The following PTPN23 variants were observed in gnomAD, a reference collection of about 807,000 sequenced individuals.
PTPN23 encodes tyrosine-protein phosphatase non-receptor type 23.
In PTPN23, 72 loss-of-function variants were observed where a neutral mutation model predicts 156.3. The observed-to-expected ratio is 0.46, with a 90% CI of 0.38 to 0.56. The LOEUF (loss-of-function observed/expected upper bound fraction) is 0.56, where lower values mean the gene tolerates loss of function less well. Among genes scored for constraint, PTPN23 ranks in the 20% least tolerant of loss-of-function variants. The pLI is 0.00. For missense variants in PTPN23, 1,974 were observed against 2,171.5 expected, an observed-to-expected ratio of 0.91 and a Z score of 1.81; for synonymous variants, 957 against 899.6, an observed-to-expected ratio of 1.06 and a Z score of -1.14.
intron 1 of PTPN23, among the ~76,000 whole-genome samples, chr3:47,394,897 G>C (rs1271809201): frequency 6.6e-6 from 1 of 152,162 alleles, no homozygotes; most frequent in Non-Finnish European, 1.5e-5. Context: ...ATTTGAAGGG[G>C]TGGGTTGTCC....
rs1291451699 is a variant in PTPN23, at chr3:47,409,296, C to T, written c.1776C>T (p.Thr592=). The stretch of plus-strand genomic sequence containing the variant: ...ATGACATCACTGCCTCGCTGGTCAC[C>T]ACAGACCACTCAGAGATGAAGGTGG... ...QKDDITASLV[T]TDHSEMKKLF... Residue 592 remains threonine (T), a synonymous_variant, in exon 17 of 25, where the codon ACC becomes ACT. Coordinates refer to ENST00000265562, the MANE Select transcript of PTPN23 (RefSeq NM_015466.4). 6.2e-7 allele frequency: 1 copy of T among 1,614,070 alleles called. No individual in the cohort carries two copies. Among genetic ancestry groups the T allele is most frequent in the East Asian group, 2.2e-5 (1 of 44,882 alleles).
At position 47,412,349 on chromosome 3, in the gene PTPN23, G is replaced by A; in HGVS notation, c.4245G>A (p.Gly1415=). ...LYAAVQEVEA[G]NGIPELPQLV... ...CAGCTGTGCAGGAGGTGGAGGCTGG[G>A]AACGGAATCCCTGAGCTGCCTCAGC... The change falls in exon 23 of 25, where the codon GGG becomes GGA. Residue 1415 remains glycine, a synonymous_variant. Coordinates refer to ENST00000265562, the MANE Select transcript of PTPN23 (RefSeq NM_015466.4). 6.2e-7 allele frequency: 1 copy of A among 1,613,316 alleles called. No homozygotes were observed. The highest frequency in any genetic ancestry group is 8.5e-7 in the Non-Finnish European group (1 of 1,180,030).
At position 47,412,988 on chromosome 3, in the gene PTPN23, C is replaced by G. The variant is rs749411789; in HGVS notation, c.4714C>G (p.Pro1572Ala). The G allele has an allele frequency of 6.2e-7, 1 of 1,604,532 alleles. No homozygotes were observed. Among genetic ancestry groups the G allele is most frequent in the Admixed American group, 1.7e-5 (1 of 59,476 alleles). The change falls in exon 25 of 25, where the codon CCC becomes GCC. Residue 1572 changes from proline (P) to alanine (A), a missense_variant. Physicochemically the swap from Pro to Ala is conservative, Grantham distance 27. Coordinates refer to ENST00000265562, the MANE Select transcript of PTPN23 (RefSeq NM_015466.4). Reference sequence around the variant, plus strand: ...AGTGCCTGAAGCCCCCAGCTCGGGGCCCCCCTCCTCCTCCCTGGAATTGCT... The same window carrying G: ...AGTGCCTGAAGCCCCCAGCTCGGGGGCCCCCTCCTCCTCCCTGGAATTGCT... ...PPVPEAPSSG[P>A]PSSSLELLAS... is the part of the protein sequence containing the mutation.
At chr3:47,400,844 G>GATT (rs1370987639) in intron 2 of PTPN23, among the ~76,000 whole-genome samples, 2 of 152,088 alleles carry the variant, frequency 1.3e-5, no homozygotes, top group Admixed American at 6.5e-5. Context: ...AAAGTGCTGG[G>GATT]ATTATAGGTG....
In PTPN23 at chr3:47,412,943, C is replaced by T; in HGVS notation, c.4669C>T (p.Gln1557Ter). The T allele has an allele frequency of 6.2e-7, 1 of 1,605,652 alleles. No homozygotes were observed. The highest frequency in any genetic ancestry group is 8.5e-7 in the Non-Finnish European group (1 of 1,175,722). Residue 1557 changes from glutamine (Q) to a stop codon, truncating the protein, a stop_gained, in exon 25 of 25, where the codon CAG (glutamine) becomes TAG (stop). Transcript: ENST00000265562. LOFTEE classifies it high-confidence loss of function. ...TTCCTCCCCACTACCTGAGGCTCCCCAGCCTAAGGAGGAGCCGCCAGTGCC... is the reference window on the plus strand; with the variant it reads ...TTCCTCCCCACTACCTGAGGCTCCCTAGCCTAAGGAGGAGCCGCCAGTGCC... ...PLSSPLPEAP[Q>*]PKEEPPVPEA...
intron 1 of PTPN23, among the ~76,000 whole-genome samples, chr3:47,391,368 T>C (rs1165120926): frequency 6.6e-6 from 1 of 152,246 alleles, no homozygotes; most frequent in Non-Finnish European, 1.5e-5. Context: ...CCATCAGTTA[T>C]TAGCACCGTG....
At chr3:47,381,469 C>T (rs1278381832) in intron 1 of PTPN23, among the ~76,000 whole-genome samples, 1 of 152,176 alleles carries the variant, frequency 6.6e-6, no homozygotes, top group African/African-American at 2.4e-5. Flanking sequence ...ACACTTCCTC[C>T]TTCTGACGCT....
rs1186144844 is a variant in PTPN23, at chr3:47,381,113, G to T, written c.17G>T (p.Arg6Leu). The change falls in exon 1 of 25, where the codon CGC becomes CTC. Residue 6 changes from arginine (R) to leucine (L), a missense_variant. By Grantham distance (102) the Arg-to-Leu change is moderately radical. Transcript: ENST00000265562. Reference protein sequence around the residue: MEAVPRMPMIWLDLKE... With the variant: MEAVPLMPMIWLDLKE... ...CCAGCCGCCATGGAGGCCGTGCCCCGCATGCCCATGATCTGGCTGGACCTG... is the reference window on the plus strand; with the variant it reads ...CCAGCCGCCATGGAGGCCGTGCCCCTCATGCCCATGATCTGGCTGGACCTG... The T allele has an allele frequency of 1.9e-6, 3 of 1,582,558 alleles. No individual in the cohort carries two copies. The highest frequency in any genetic ancestry group is 2.6e-6 in the Non-Finnish European group (3 of 1,165,376).
Position 47,406,612 on chromosome 3 carries a change from T to C in PTPN23, c.759T>C (p.His253=). 6.2e-7 allele frequency: 1 copy of C among 1,613,766 alleles called. No homozygotes were observed. Residue 253 remains histidine (H), a splice_region_variant and synonymous_variant, in exon 8 of 25, where the codon CAT becomes CAC. Transcript: ENST00000265562. This position sits in a 1 kb window ranked among gnomAD's most constrained non-coding sequence, Gnocchi z 5.8. Reference sequence around the variant, plus strand: ...TCTACTACTTCGCAGCCGTGGCTCATGTGAGGGCCTGGGGCCCCAGGGCGG... The same window carrying C: ...TCTACTACTTCGCAGCCGTGGCTCACGTGAGGGCCTGGGGCCCCAGGGCGG... ...MKIYYFAAVA[H]LHMGKQAEEQ... is the part of the protein sequence containing the mutation.
Position 47,407,636 on chromosome 3 carries a change from C to T in PTPN23, c.1003+52C>T, listed in dbSNP as rs1351936965. ...AGGTGACGGTGGGGTGGGGACAGGA[C>T]ACAGGAGGCTGCCTCAAGGACTCTG... On this transcript the variant is annotated intron_variant, in intron 12 of 24. Transcript: ENST00000265562. The surrounding 1 kb of genome is among the most constrained non-coding windows in gnomAD (Gnocchi z 4.0). 5 of 1,604,742 alleles carry T rather than the reference C, an allele frequency of 3.1e-6. No individual in the cohort carries two copies.
Position 47,409,562 on chromosome 3 carries a change from A to C in PTPN23, c.1943A>C (p.Asp648Ala). Residue 648 changes from aspartate to alanine, a missense_variant, in exon 18 of 25, where the codon GAC becomes GCC. Asp to Ala is a moderately radical substitution (Grantham distance 126). Coordinates refer to ENST00000265562, the MANE Select transcript of PTPN23 (RefSeq NM_015466.4). Reference sequence around the variant, plus strand: ...GTGCGGCGGGTACTCAGCGACTTGGACCAAAAGTCAGTGCCCAGTCCTCTG... The same window carrying C: ...GTGCGGCGGGTACTCAGCGACTTGGCCCAAAAGTCAGTGCCCAGTCCTCTG... ...AAVRRVLSDL[D>A]QKWNSTLQTL... 6.2e-7 allele frequency: 1 copy of C among 1,613,316 alleles called. No individual in the cohort carries two copies. The highest frequency in any genetic ancestry group is 8.5e-7 in the Non-Finnish European group (1 of 1,179,500).
intron 1 of PTPN23, among the ~76,000 whole-genome samples, chr3:47,390,824 C>G (rs1288684609): frequency 6.6e-6 from 1 of 152,138 alleles, no homozygotes; most frequent in Non-Finnish European, 1.5e-5. Flanking sequence ...GCCTGTTTTT[C>G]AGAGTTGTTT....
In PTPN23 at chr3:47,413,208, TTACAC is replaced by T. The variant is rs1261281272; in HGVS notation, c.*28_*32del. On this transcript the variant is annotated 3_prime_UTR_variant, in exon 25 of 25. Transcript: ENST00000265562. ...TGAACAGGTTTTGCCTACCTGGTCC[TTACAC>T]TACATCATCATCATCTCATGCCCAC... The T allele has an allele frequency of 1.3e-6, 2 of 1,589,508 alleles. No individual in the cohort carries two copies. The highest frequency in any genetic ancestry group is 2.7e-5 in the African/African-American group (2 of 74,432).
At chr3:47,399,839 G>C (rs1345147864) in intron 2 of PTPN23, among the ~76,000 whole-genome samples, 2 of 152,136 alleles carry the variant, frequency 1.3e-5, no homozygotes, top group Non-Finnish European at 2.9e-5. Flanking sequence ...TGTTTTTAAA[G>C]ACAGAGTCTC....
In PTPN23 at chr3:47,405,733, T is replaced by C. The variant is rs1705105760; in HGVS notation, c.365-16T>C. Reference sequence around the variant, plus strand: ...GAGCAGCCCCAGGCCCCTAACACTGTCCCCTCCCTCCCCAGGAGCGCTGCA... The same window carrying C: ...GAGCAGCCCCAGGCCCCTAACACTGCCCCCTCCCTCCCCAGGAGCGCTGCA... On this transcript the variant is annotated splice_polypyrimidine_tract_variant and intron_variant, in intron 4 of 24. Coordinates refer to ENST00000265562, the MANE Select transcript of PTPN23 (RefSeq NM_015466.4). This position sits in a 1 kb window ranked among gnomAD's most constrained non-coding sequence, Gnocchi z 4.7. 1 of 1,597,704 alleles carries C rather than the reference T, an allele frequency of 6.3e-7. No individual in the cohort carries two copies. Among genetic ancestry groups the C allele is most frequent in the Non-Finnish European group, 8.5e-7 (1 of 1,173,150 alleles).
chr3:47,395,002 G>A (rs1704849152), intron 1 of PTPN23, among the ~76,000 whole-genome samples: 1 of 152,178 alleles, frequency 6.6e-6, no homozygotes, highest in African/African-American at 2.4e-5. Flanking sequence ...TAGACTCAGA[G>A]GTTTGGGAAA....
At position 47,411,567 on chromosome 3, in the gene PTPN23, C is replaced by G; in HGVS notation, c.3769C>G (p.Pro1257Ala). ...CGTGGAGGGGCTCTCCCCATACTGC[C>G]CCCCGCTAGTGGCAACCCAGGCCCC... ...SCVEGLSPYC[P>A]PLVATQAPLP... Residue 1257 changes from proline to alanine, a missense_variant, in exon 20 of 25, where the codon CCC becomes GCC. Coordinates refer to ENST00000265562, the MANE Select transcript of PTPN23 (RefSeq NM_015466.4). The surrounding 1 kb of genome is among the most constrained non-coding windows in gnomAD (Gnocchi z 6.3). The G allele has an allele frequency of 6.2e-7, 1 of 1,612,716 alleles. No homozygotes were observed. Among genetic ancestry groups the G allele is most frequent in the East Asian group, 2.2e-5 (1 of 44,866 alleles).
At chr3:47,394,488 T>C (rs1230705584) in intron 1 of PTPN23, among the ~76,000 whole-genome samples, 4 of 152,146 alleles carry the variant, frequency 2.6e-5, no homozygotes, top group African/African-American at 7.2e-5. Flanking sequence ...AGGAAAATCC[T>C]TGAAGGTTGT....
In PTPN23 at chr3:47,410,566, C is replaced by T. The variant is rs1389192363; in HGVS notation, c.2768C>T (p.Thr923Ile). The change falls in exon 20 of 25, where the codon ACC becomes ATC. Residue 923 changes from threonine (T) to isoleucine (I), a missense_variant. Around this residue, in one of 4 missense-constraint regions of PTPN23, gnomAD observed 731 missense variants for 669.1 expected, o/e 1.09. Coordinates refer to ENST00000265562, the MANE Select transcript of PTPN23 (RefSeq NM_015466.4). ...PPPQPLPTPY[T>I]YPAGAKQPIP... The stretch of plus-strand genomic sequence containing the variant: ...CCGCAGCCACTGCCCACGCCTTACA[C>T]CTACCCTGCAGGGGCTAAGCAACCC... The T allele has an allele frequency of 1.2e-6, 2 of 1,611,818 alleles. No homozygotes were observed. Among genetic ancestry groups the T allele is most frequent in the Middle Eastern group, 1.7e-4 (1 of 6,054 alleles).
Sources: gnomAD v4.1 joint callset for allele counts (sites outside exome capture counted in the v4.1 genomes callset) on GRCh38, gnomAD v4.1.1 for gene constraint, gnomAD v4.1.1 regional missense constraint, Gnocchi (gnomAD v3.1) non-coding constraint, MANE v1.5 for transcripts, NCBI Gene and HGNC (gene_info 2026-07-23, HGNC 2026-07-21) for gene names.